RELN: variants seen among roughly 807,000 people sequenced by gnomAD.
RELN encodes the protein reelin.
A neutral mutation model predicts 427.6 loss-of-function variants in RELN; 108 were observed. The observed-to-expected ratio is 0.25, with a 90% CI of 0.22 to 0.30. The LOEUF is 0.30. Among genes scored for constraint, RELN ranks in the 10% least tolerant of loss-of-function variants. The pLI is 1.00. For synonymous variants in RELN, 1,524 were observed against 1,513.4 expected, an observed-to-expected ratio of 1.01 and a Z score of -0.16; for missense variants, 3,715 against 4,302.8, an observed-to-expected ratio of 0.86 and a Z score of 3.82.
At chr7:103,828,663 T>C (rs920824875) in intron 3 of RELN, among the ~76,000 whole-genome samples, 1 of 151,964 alleles carries the variant, frequency 6.6e-6, no homozygotes, top group Non-Finnish European at 1.5e-5. Context: ...TGAAATCCCC[T>C]TGTGATGAAG....
intron 1 of RELN, among the ~76,000 whole-genome samples, chr7:103,931,987 A>G (rs1196462992): frequency 1.3e-5 from 2 of 152,238 alleles, no homozygotes; most frequent in Non-Finnish European, 2.9e-5. Flanking sequence ...GCAACTCCTC[A>G]AAGAGCTAAA....
chr7:103,625,907 T>A (rs528490957), intron 20 of RELN, among the ~76,000 whole-genome samples: 1 of 152,216 alleles, frequency 6.6e-6, no homozygotes, highest in South Asian at 2.1e-4. Context: ...TCTCACTCTA[T>A]GCCCAACTAA....
At chr7:103,814,523 A>T (rs568212278) in intron 3 of RELN, among the ~76,000 whole-genome samples, 157 of 152,282 alleles carry the variant, frequency 1.0e-3, no homozygotes, top group African/African-American at 3.7e-3. Context: ...AATAAATCCA[A>T]ATGAAACATC....
intron 11 of RELN, among the ~76,000 whole-genome samples, chr7:103,663,087 T>C (rs1417906940): frequency 6.6e-6 from 1 of 152,176 alleles, no homozygotes; most frequent in African/African-American, 2.4e-5. Context: ...CTCAGGGTCA[T>C]TCTTTAAGAT....
At chr7:103,726,988 A>G (rs1790228153) in intron 7 of RELN, among the ~76,000 whole-genome samples, 1 of 152,144 alleles carries the variant, frequency 6.6e-6, no homozygotes, top group East Asian at 1.9e-4. Context: ...CAATTTATCA[A>G]TGCTCTGAAG....
At chr7:103,767,930 A>T (rs867948041) in intron 4 of RELN, among the ~76,000 whole-genome samples, 59 of 152,226 alleles carry the variant, frequency 3.9e-4, no homozygotes, top group African/African-American at 1.3e-3. Context: ...TTTCCCTGCT[A>T]TATTTTAGTG....
At chr7:103,871,774 C>A (rs1794340705) in intron 2 of RELN, among the ~76,000 whole-genome samples, 1 of 152,056 alleles carries the variant, frequency 6.6e-6, no homozygotes, top group Non-Finnish European at 1.5e-5. Context: ...AACATTTTGG[C>A]AACCACTATT....
At chr7:103,485,927 T>C (rs548724636) in intron 61 of RELN, among the ~76,000 whole-genome samples, 2 of 152,356 alleles carry the variant, frequency 1.3e-5, no homozygotes, top group African/African-American at 4.8e-5. Context: ...TTTTAAAATA[T>C]TTGGCCATTT....
chr7:103,867,907 C>T (rs368908875), intron 2 of RELN, among the ~76,000 whole-genome samples: 300 of 152,138 alleles, frequency 2.0e-3, no homozygotes, highest in African/African-American at 6.4e-3. Context: ...CCCCAGGCAA[C>T]GCTGTGAAGT....
At chr7:103,897,188 C>G (rs1005249433) in intron 2 of RELN, among the ~76,000 whole-genome samples, 2 of 152,074 alleles carry the variant, frequency 1.3e-5, no homozygotes, top group Non-Finnish European at 2.9e-5. Context: ...AAGGTGAGAG[C>G]TGGGTGGAGA....
At chr7:103,572,337 G>GA in intron 30 of RELN, 77 bp from the exon 31 acceptor site, 1 of 796,864 alleles carries the variant, frequency 1.3e-6, no homozygotes, top group South Asian at 1.4e-5. Context: ...TGACACATTA[G>GA]AAAAAAACCC....
At chr7:103,611,186 A>G (rs1271687052) in intron 21 of RELN, among the ~76,000 whole-genome samples, 3 of 152,216 alleles carry the variant, frequency 2.0e-5, no homozygotes, top group Admixed American at 6.5e-5. Flanking sequence ...TAAGACATGT[A>G]TGAATTTTAT....
chr7:103,555,802 C>A (rs1454649659), intron 38 of RELN, among the ~76,000 whole-genome samples: 3 of 152,124 alleles, frequency 2.0e-5, no homozygotes, highest in African/African-American at 7.2e-5. Flanking sequence ...TATTCAGTGA[C>A]AAGATGTATG....
At chr7:103,591,597 C>G (rs1052122485) in intron 27 of RELN, among the ~76,000 whole-genome samples, 3 of 152,108 alleles carry the variant, frequency 2.0e-5, no homozygotes, top group African/African-American at 7.2e-5. Flanking sequence ...TCTTCTAACA[C>G]AAATTCCTTT....
rs113402095 is a variant in RELN at position 103,838,082 on chromosome 7, G to A, written c.338-4410C>T. On this transcript the variant is annotated intron_variant, in intron 2 of 64. Coordinates refer to ENST00000428762, the MANE Select transcript of RELN (RefSeq NM_005045.4). The stretch of plus-strand genomic sequence containing the variant: ...AAATTAGCTGGGTGTGGTGGTGGGC[G>A]CCTGTAGTCCCAGCTACTTGGGAGG... 8.4e-3 allele frequency among the ~76,000 whole-genome samples: 1,277 copies of A among 151,796 alleles called. 15 individuals carry two copies. Among genetic ancestry groups the A allele is most frequent in the African/African-American group, 0.029 (1,181 of 41,404 alleles).
At position 103,539,224 on chromosome 7, in the gene RELN, G is replaced by A. The variant is rs760503401; in HGVS notation, c.7034C>T (p.Pro2345Leu). Residue 2345 changes from proline (P) to leucine (L), a missense_variant, in exon 45 of 65, where the codon CCC becomes CTC. By Grantham distance (98) the Pro-to-Leu change is moderately conservative. Coordinates refer to ENST00000428762, the MANE Select transcript of RELN (RefSeq NM_005045.4). ...GGCATCACCAGTAGAGCCACACACGGGCATCTTGGTGCCTCCTGGGTGAAG... is the reference window on the plus strand; with the variant it reads ...GGCATCACCAGTAGAGCCACACACGAGCATCTTGGTGCCTCCTGGGTGAAG... Reference protein sequence around the residue: ...WLLHPGGTKMPVCGSTGDALV... With the variant: ...WLLHPGGTKMLVCGSTGDALV... The A allele has an allele frequency of 6.2e-7, 1 of 1,614,218 alleles. No homozygotes were observed. Among genetic ancestry groups the A allele is most frequent in the Admixed American group, 1.7e-5 (1 of 60,034 alleles).
chr7:103,755,684 C>T (rs1400844659), intron 4 of RELN, among the ~76,000 whole-genome samples: 1 of 149,304 alleles, frequency 6.7e-6, no homozygotes, highest in Non-Finnish European at 1.5e-5. Flanking sequence ...GGTGTGGTGG[C>T]GGGTGCCTGT....
At chr7:103,486,831 T>G (rs1828457803) in intron 60 of RELN, among the ~76,000 whole-genome samples, 1 of 152,210 alleles carries the variant, frequency 6.6e-6, no homozygotes. Flanking sequence ...GTTCAACCAT[T>G]GTAGAAGACA....
At chr7:103,915,967 G>C (rs913860769) in intron 2 of RELN, among the ~76,000 whole-genome samples, 4 of 152,132 alleles carry the variant, frequency 2.6e-5, no homozygotes, top group Non-Finnish European at 5.9e-5. Flanking sequence ...TTTTTCCCCT[G>C]AGGTTTGGAC....
Sources: gnomAD v4.1 joint callset for allele counts (sites outside exome capture counted in the v4.1 genomes callset) on GRCh38, gnomAD v4.1.1 for gene constraint, MANE v1.5 for transcripts, NCBI Gene and HGNC (gene_info 2026-07-23, HGNC 2026-07-21) for gene names.